The following SCUBE1 variants were observed in gnomAD, a reference collection of about 807,000 sequenced individuals.
SCUBE1 encodes signal peptide, CUB and EGF-like domain-containing protein 1.
A neutral mutation model predicts 124.4 loss-of-function variants in SCUBE1; 59 were observed. That is an observed-to-expected ratio of 0.47 (90% CI 0.38 to 0.59). The LOEUF (loss-of-function observed/expected upper bound fraction) is 0.59, where lower values mean the gene tolerates loss of function less well. Ranked by LOEUF, SCUBE1 falls within the 20% of genes least tolerant of loss-of-function variation. SCUBE1 has a pLI of 0.00. For synonymous variants in SCUBE1, 545 were observed against 550.9 expected (o/e 0.99, Z 0.15); for missense variants, 1,150 against 1,371.2 (o/e 0.84, Z 2.55).
intron 2 of SCUBE1, among the ~76,000 whole-genome samples, chr22:43,336,945 CTG>C (rs1371312964): frequency 6.8e-6 from 1 of 146,370 alleles, no homozygotes; most frequent in Non-Finnish European, 1.5e-5. Flanking sequence ...GCATGTGTGT[CTG>C]TGTGTATGTC....
chr22:43,302,984 C>A (rs186825454), intron 3 of SCUBE1, among the ~76,000 whole-genome samples: 3 of 152,324 alleles, frequency 2.0e-5, no homozygotes, highest in Non-Finnish European at 4.4e-5. Flanking sequence ...CAAACTTCCC[C>A]GAACCAAGGA....
intron 2 of SCUBE1, among the ~76,000 whole-genome samples, chr22:43,326,607 C>T (rs947097138): frequency 2.6e-5 from 4 of 152,092 alleles, no homozygotes; most frequent in African/African-American, 9.7e-5. Context: ...CAGTTAATTA[C>T]AGGAAAGGTC....
At position 43,210,683 on chromosome 22, in the gene SCUBE1, T is replaced by C. The variant is rs1290377950; in HGVS notation, c.2383+239A>G. ...GGCTTGGGCTGTGTTGGGTGAGCAG[T>C]GGGAACTGATGAACGATGGCCACCA... is the stretch of plus-strand genomic sequence containing the variant. On this transcript the variant is annotated intron_variant, in intron 18 of 21. Transcript: ENST00000360835. This position sits in a 1 kb window ranked among gnomAD's most constrained non-coding sequence, Gnocchi z 4.5. Among the ~76,000 whole-genome samples, 1 of 152,034 alleles carries C rather than the reference T, an allele frequency of 6.6e-6. No homozygotes were observed. The highest frequency in any genetic ancestry group is 2.4e-5 in the African/African-American group (1 of 41,398).
Position 43,201,091 on chromosome 22 carries a change from C to T in SCUBE1, c.*2906G>A, listed in dbSNP as rs1920994266. ...GGCCGAGGTGGGCGGATCACGAGGTCAGGAGATCGAGACCATCCTGGCTAA... is the reference window on the plus strand; with the variant it reads ...GGCCGAGGTGGGCGGATCACGAGGTTAGGAGATCGAGACCATCCTGGCTAA... On this transcript the variant is annotated 3_prime_UTR_variant, in exon 22 of 22. Coordinates refer to ENST00000360835, the MANE Select transcript of SCUBE1 (RefSeq NM_173050.5). 6.6e-6 allele frequency: 1 copy of T among 151,874 alleles called. No individual in the cohort carries two copies. Among genetic ancestry groups the T allele is most frequent in the Non-Finnish European group, 1.5e-5 (1 of 67,996 alleles). 9.4% of individuals were successfully genotyped at this position (151,874 alleles called of 1,614,324 possible). A position where few individuals can be genotyped will look rare whatever the true frequency, so the allele number is the denominator to read the frequency against.
chr22:43,254,954 C>T (rs1428329038), intron 6 of SCUBE1, among the ~76,000 whole-genome samples: 2 of 152,326 alleles, frequency 1.3e-5, no homozygotes, highest in East Asian at 3.9e-4. Flanking sequence ...AAGTAGGTGG[C>T]TTTTTCCCTG....
Position 43,210,971 on chromosome 22 carries a change from G to A in SCUBE1, c.2334C>T (p.Gly778=), listed in dbSNP as rs1921523580. The change falls in exon 18 of 22, where the codon GGC becomes GGT. Residue 778 remains glycine, a synonymous_variant. Coordinates refer to ENST00000360835, the MANE Select transcript of SCUBE1 (RefSeq NM_173050.5). The surrounding 1 kb of genome is among the most constrained non-coding windows in gnomAD (Gnocchi z 4.5). The part of the protein sequence containing the change: ...FGQNHCITCP[G]NTSTDFDGST... ...AGCCATCGAAGTCTGTGCTGGTGTTGCCCGGACAGGTGATGCAGTGGTTCT... is the reference window on the plus strand; with the variant it reads ...AGCCATCGAAGTCTGTGCTGGTGTTACCCGGACAGGTGATGCAGTGGTTCT... The A allele has an allele frequency of 6.2e-6, 10 of 1,614,092 alleles. No individual in the cohort carries two copies. The highest frequency in any genetic ancestry group is 1.3e-5 in the African/African-American group (1 of 75,032).
At chr22:43,209,237 GTC>G (rs1921434122) in intron 19 of SCUBE1, among the ~76,000 whole-genome samples, 2 of 152,174 alleles carry the variant, frequency 1.3e-5, no homozygotes, top group Admixed American at 1.3e-4. Context: ...GGTCTCTGTG[GTC>G]ACTGGGTACC....
intron 7 of SCUBE1, among the ~76,000 whole-genome samples, chr22:43,232,842 C>T (rs897943415): frequency 6.6e-6 from 1 of 152,212 alleles, no homozygotes; most frequent in Non-Finnish European, 1.5e-5. Context: ...CTTGTCGGGC[C>T]CATCTGGGCT....
intron 2 of SCUBE1, among the ~76,000 whole-genome samples, chr22:43,322,901 T>C (rs908916790): frequency 6.6e-6 from 1 of 152,242 alleles, no homozygotes; most frequent in Non-Finnish European, 1.5e-5. Context: ...CCAGCCCTTT[T>C]AATTCTCACA....
intron 6 of SCUBE1, among the ~76,000 whole-genome samples, chr22:43,249,493 A>C (rs1458099035): frequency 6.6e-6 from 1 of 152,164 alleles, no homozygotes; most frequent in Non-Finnish European, 1.5e-5. Context: ...CCATTTCCAC[A>C]GTGGCCTCCA....
chr22:43,304,156 G>C (rs753400957), intron 3 of SCUBE1, among the ~76,000 whole-genome samples: 2 of 152,204 alleles, frequency 1.3e-5, no homozygotes, highest in African/African-American at 2.4e-5. Context: ...ACTCCCTGAA[G>C]ACCCCTGTTA....
At chr22:43,336,758 C>T (rs1312372648) in intron 2 of SCUBE1, among the ~76,000 whole-genome samples, 5 of 152,124 alleles carry the variant, frequency 3.3e-5, no homozygotes, top group African/African-American at 7.2e-5. Context: ...TGTGTGTGCA[C>T]GTGTAAGTGT....
chr22:43,274,950 C>T (rs562319007), intron 4 of SCUBE1, among the ~76,000 whole-genome samples: 180 of 152,298 alleles, frequency 1.2e-3, no homozygotes, highest in African/African-American at 4.1e-3. Context: ...TCGGCAGGTA[C>T]AGCCACTTTG....
chr22:43,273,585 T>TTTTTA (rs3047359), intron 4 of SCUBE1, among the ~76,000 whole-genome samples: 1 of 143,456 alleles, frequency 7.0e-6, no homozygotes, highest in African/African-American at 2.6e-5. Flanking sequence ...TTTTTTTTTT[T>TTTTTA]GAGACAGAGT....
intron 14 of SCUBE1, 43 bp from the exon 15 acceptor site, chr22:43,218,501 T>G: frequency 6.3e-7 from 1 of 1,591,198 alleles, no homozygotes; most frequent in East Asian, 2.2e-5. Context: ...CTGGCAACCT[T>G]GCTAGCCGCT....
At chr22:43,294,509 C>T (rs932429716) in intron 3 of SCUBE1, among the ~76,000 whole-genome samples, 4 of 152,306 alleles carry the variant, frequency 2.6e-5, no homozygotes, top group East Asian at 3.9e-4. Context: ...GCCCAGCACA[C>T]ACCGCCCCAT....
At chr22:43,270,062 G>C (rs1398644438) in intron 4 of SCUBE1, 1 of 152,082 alleles carries the variant, frequency 6.6e-6, no homozygotes, top group Non-Finnish European at 1.5e-5. Flanking sequence ...TCCAGAATCT[G>C]AAATGCTCCA....
chr22:43,262,071 G>C (rs910170546), intron 5 of SCUBE1, among the ~76,000 whole-genome samples: 3 of 152,240 alleles, frequency 2.0e-5, no homozygotes, highest in Non-Finnish European at 2.9e-5. Flanking sequence ...TCCTGAAATG[G>C]TGTCTTTGGC....
At chr22:43,342,711 T>A (rs1416420115) in intron 1 of SCUBE1, among the ~76,000 whole-genome samples, 1 of 151,782 alleles carries the variant, frequency 6.6e-6, no homozygotes, top group East Asian at 2.0e-4. Context: ...CGGCGCCGGC[T>A]CTTCTGTCCG....
Sources: gnomAD v4.1 joint callset for allele counts (sites outside exome capture counted in the v4.1 genomes callset) on GRCh38, gnomAD v4.1.1 for gene constraint, Gnocchi (gnomAD v3.1) non-coding constraint, MANE v1.5 for transcripts, NCBI Gene and HGNC (gene_info 2026-07-23, HGNC 2026-07-21) for gene names.